SCN1A: variants seen among roughly 807,000 people sequenced by gnomAD.
The protein encoded by SCN1A is sodium channel protein type 1 subunit alpha.
SCN1A carries 13 observed loss-of-function variants against 193.7 expected under a neutral mutation model. The ratio of observed to expected loss-of-function variants is 0.07; its 90% CI spans 0.04 to 0.11. SCN1A has a LOEUF of 0.11. SCN1A is among the 10% of genes least tolerant of loss of function. The probability of loss-of-function intolerance (pLI) is 1.00; values close to 1 mark genes in which losing one functional copy is unlikely to be tolerated. For synonymous variants in SCN1A, 781 were observed against 843.6 expected, an observed-to-expected ratio of 0.93 and a Z score of 1.29; for missense variants, 1,432 against 2,451.1, an observed-to-expected ratio of 0.58 and a Z score of 8.78.
At chr2:166,145,514 T>A (rs1184292228) in intron 1 of SCN1A, among the ~76,000 whole-genome samples, 1 of 119,812 alleles carries the variant, frequency 8.3e-6, no homozygotes, top group Non-Finnish European at 1.7e-5. Flanking sequence ...AATCTTTAAC[T>A]GTTGGAGAAA....
intron 2 of SCN1A, among the ~76,000 whole-genome samples, chr2:166,091,048 AT>A (rs1461131323): frequency 6.6e-6 from 1 of 152,176 alleles, no homozygotes; most frequent in Non-Finnish European, 1.5e-5. Flanking sequence ...TTGTATTTTT[AT>A]TTTTGTCTCC....
chr2:166,131,546 G>A (rs1049167032), upstream of SCN1A, among the ~76,000 whole-genome samples: 1 of 152,196 alleles, frequency 6.6e-6, no homozygotes, highest in Non-Finnish European at 1.5e-5. Context: ...GGTCACTCAG[G>A]TGGAAAAAGC....
intron 2 of SCN1A, among the ~76,000 whole-genome samples, chr2:166,091,530 A>G (rs899388716): frequency 7.2e-5 from 11 of 152,292 alleles, no homozygotes; most frequent in African/African-American, 2.6e-4. Context: ...TAAAAACATC[A>G]GGGGTTAAAT....
chr2:166,013,651 A>C (rs1464479583), intron 21 of SCN1A, 93 bp downstream of exon 21: 15 of 1,128,724 alleles, frequency 1.3e-5, no homozygotes, highest in Non-Finnish European at 2.0e-5. Flanking sequence ...AATGCATTGG[A>C]TACTAAGACA....
chr2:166,015,502 C>A, intron 20 of SCN1A, 105 bp downstream of exon 20: 1 of 1,349,412 alleles, frequency 7.4e-7, no homozygotes, highest in Non-Finnish European at 1.1e-6. Flanking sequence ...TGAATTATAT[C>A]TATTACAAAG....
intron 11 of SCN1A, 86 bp from the exon 12 acceptor site, chr2:166,047,062 A>C (rs1370515514): frequency 1.4e-6 from 2 of 1,422,490 alleles, no homozygotes; most frequent in East Asian, 2.3e-5. Flanking sequence ...GTGTCTAGCA[A>C]AACTCAGATA....
chr2:166,022,712 C>G lies in SCN1A; in HGVS notation c.3430-6985G>C, dbSNP rs116195753. 1.1e-4 allele frequency among the ~76,000 whole-genome samples: 16 copies of G among 152,162 alleles called. No individual in the cohort carries two copies. The East Asian group carries it at 1.4e-3, about 13-fold the overall frequency. On this transcript the variant is annotated intron_variant, in intron 19 of 28. Transcript: ENST00000674923. ...TGTCACTCTGGTGATCATGTCACAC[C>G]GAATCATTTTAGAAAAGTTACAATG...
rs1381101892 is a variant in SCN1A, at chr2:165,991,142, G to A, written c.*103C>T. 18 of 1,022,738 alleles carry A rather than the reference G, an allele frequency of 1.8e-5. No individual in the cohort carries two copies. Among genetic ancestry groups the A allele is most frequent in the Non-Finnish European group, 2.3e-5 (16 of 694,586 alleles). 63.4% of individuals were successfully genotyped at this position (1,022,738 alleles called of 1,614,324 possible). ...CCTTAAGGAGATTTGTGTAAAAACA[G>A]TCAGTTTGGCATTGACCTCCTAAAG... On this transcript the variant is annotated 3_prime_UTR_variant, in exon 29 of 29. Transcript: ENST00000674923.
chr2:166,102,353 G>A (rs569013837), intron 2 of SCN1A, among the ~76,000 whole-genome samples: 1 of 151,904 alleles, frequency 6.6e-6, no homozygotes, highest in Non-Finnish European at 1.5e-5. Context: ...AAAATTAGCC[G>A]GGTGTGGTGG....
In SCN1A at chr2:166,012,274, T is replaced by C; in HGVS notation, c.3714A>G (p.Glu1238=). 1 of 1,606,018 alleles carries C rather than the reference T, an allele frequency of 6.2e-7. No homozygotes were observed. Among genetic ancestry groups the C allele is most frequent in the Non-Finnish European group, 8.5e-7 (1 of 1,174,164 alleles). Reference sequence around the variant, plus strand: ...TCTTTCGCTGATCAATATATATATCTTCAAATGCCTATAAAGAAAATGTTA... The same window carrying C: ...TCTTTCGCTGATCAATATATATATCCTCAAATGCCTATAAAGAAAATGTTA... The part of the protein sequence containing the change: ...ILLSSGALAF[E]DIYIDQRKTI... The change falls in exon 22 of 29, where the codon GAA becomes GAG. Residue 1238 remains glutamate, a synonymous_variant. Coordinates refer to ENST00000674923, the MANE Select transcript of SCN1A (RefSeq NM_001165963.4).
At chr2:166,118,298 GTTT>G (rs1218405851) in intron 2 of SCN1A, among the ~76,000 whole-genome samples, 908 of 44,656 alleles carry the variant, frequency 0.02, 190 homozygotes, top group South Asian at 0.043. Context: ...TTTCTATTTA[GTTT>G]CTTTTTTTTT....
chr2:166,034,336 A>G (rs1225728706), intron 19 of SCN1A, among the ~76,000 whole-genome samples: 1 of 152,168 alleles, frequency 6.6e-6, no homozygotes, highest in African/African-American at 2.4e-5. Context: ...CTCATTATAA[A>G]TACTTGAAGC....
At chr2:166,051,675 C>T (rs1698565116) in intron 9 of SCN1A, 44 bp downstream of exon 9, 6 of 1,456,678 alleles carry the variant, frequency 4.1e-6, no homozygotes, top group Non-Finnish European at 5.7e-6. Flanking sequence ...TACAAACAAT[C>T]CAATTCTACT....
chr2:165,988,501 AAGT>A lies in SCN1A; in HGVS notation c.*2741_*2743del, dbSNP rs1688745075. 1 of 152,274 alleles carries A rather than the reference AAGT, an allele frequency of 6.6e-6. No homozygotes were observed. Among genetic ancestry groups the A allele is most frequent in the Non-Finnish European group, 1.5e-5 (1 of 68,126 alleles). The allele number at this position is 152,274 out of a possible 1,614,324, so 9.4% of individuals were successfully genotyped here. A position where few individuals can be genotyped will look rare whatever the true frequency, so the allele number is the denominator to read the frequency against. On this transcript the variant is annotated 3_prime_UTR_variant, in exon 29 of 29. Transcript: ENST00000674923. ...AGGAGTGATTACCTGACCCCAGAGA[AAGT>A]AGCTTCAGTTGTATGAGGGGCAGTC...
intron 2 of SCN1A, among the ~76,000 whole-genome samples, chr2:166,121,803 A>G (rs1338232989): frequency 1.3e-5 from 2 of 152,184 alleles, no homozygotes; most frequent in Non-Finnish European, 2.9e-5. Context: ...ATCCTCCCCA[A>G]ATCCATATGT....
At chr2:166,137,169 G>A (rs1231749448) in intron 1 of SCN1A, among the ~76,000 whole-genome samples, 2 of 152,180 alleles carry the variant, frequency 1.3e-5, no homozygotes, top group East Asian at 3.8e-4. Flanking sequence ...TGAAGGGCTG[G>A]TGGGAACTGG....
chr2:165,988,027 A>T lies in SCN1A; in HGVS notation c.*3218T>A, dbSNP rs1688716018. The stretch of plus-strand genomic sequence containing the variant: ...CAAGGATGGGAAAAGCCTTTTAATT[A>T]CTGTCCCTTTTCTGGTTGAGGCTAT... On this transcript the variant is annotated 3_prime_UTR_variant, in exon 29 of 29. Transcript: ENST00000674923. The T allele has an allele frequency of 6.6e-6, 1 of 152,144 alleles. No homozygotes were observed. The highest frequency in any genetic ancestry group is 2.4e-5 in the African/African-American group (1 of 41,438). The allele number at this position is 152,144 out of a possible 1,614,324, so 9.4% of individuals were successfully genotyped here. A position where few individuals can be genotyped will look rare whatever the true frequency, so the allele number is the denominator to read the frequency against.
chr2:166,041,598 C>A (rs763516803), intron 15 of SCN1A, 129 bp from the exon 16 acceptor site: 107 of 702,842 alleles, frequency 1.5e-4, no homozygotes, highest in Non-Finnish European at 2.3e-4. Flanking sequence ...CTTTTTTGTA[C>A]TTGTTAAAAA....
intron 1 of SCN1A, among the ~76,000 whole-genome samples, chr2:166,145,392 GTAT>G (rs1692281138): frequency 6.6e-6 from 1 of 151,940 alleles, no homozygotes; most frequent in Admixed American, 6.6e-5. Flanking sequence ...CAAGTATGAG[GTAT>G]TATTATTTTA....
Sources: allele counts gnomAD v4.1 joint callset (sites outside exome capture counted in the v4.1 genomes callset), GRCh38; gene constraint gnomAD v4.1.1; transcripts MANE v1.5; gene names NCBI Gene and HGNC (gene_info 2026-07-23, HGNC 2026-07-21).